CERS4: variants seen among roughly 807,000 people sequenced by gnomAD.
The protein encoded by CERS4 is LAG1 homolog, ceramide synthase 4.
Under a neutral mutation model 51.8 loss-of-function variants are expected in CERS4, and 65 were observed. That is an observed-to-expected ratio of 1.26 (90% CI 1.03 to 1.54). The LOEUF is 1.54. Ranked by LOEUF, CERS4 falls within the 40% of genes most tolerant of loss-of-function variation. The pLI is 0.00. For synonymous variants in CERS4, 228 were observed against 208.4 expected (o/e 1.09, Z -0.81); for missense variants, 563 against 500.4 (o/e 1.13, Z -1.19).
chr19:8,242,534 C>T (rs180774402), intron 2 of CERS4, among the ~76,000 whole-genome samples: 12 of 152,212 alleles, frequency 7.9e-5, no homozygotes, highest in South Asian at 4.1e-4. Context: ...GACAGGGTTG[C>T]GGGAGGGTGC....
chr19:8,234,748 T>C (rs1451519076), intron 2 of CERS4, among the ~76,000 whole-genome samples: 4 of 151,388 alleles, frequency 2.6e-5, no homozygotes, highest in African/African-American at 9.7e-5. Flanking sequence ...GAGGTGGGGT[T>C]TCACCTTGTT....
At chr19:8,214,958 AG>A (rs1335091439) in intron 2 of CERS4, among the ~76,000 whole-genome samples, 1 of 121,396 alleles carries the variant, frequency 8.2e-6, no homozygotes, top group East Asian at 2.9e-4. Flanking sequence ...GAGAGGGAGG[AG>A]GGGGAGGAGG....
In CERS4 at chr19:8,242,271, C is replaced by T. The variant is rs576171200; in HGVS notation, c.-1-8805C>T. Among the ~76,000 whole-genome samples the T allele has an allele frequency of 1.1e-4, 17 of 152,278 alleles. No homozygotes were observed. In the South Asian group the frequency reaches 1.2e-3, roughly 11 times the overall value. ...TTTAAGAGGGAGAAGAGGGAAGGGA[C>T]GAGACAGAGACAGGTTGGTGAGGTT... On this transcript the variant is annotated intron_variant, in intron 2 of 11. Transcript: ENST00000251363.
intron 9 of CERS4, 136 bp from the exon 10 acceptor site, chr19:8,257,743 T>G: frequency 1.5e-6 from 1 of 681,680 alleles, no homozygotes; most frequent in Non-Finnish European, 2.6e-6. Context: ...ATTCACACTC[T>G]TTACCTTTCC....
At chr19:8,258,056 T>C (rs1464751909) in intron 10 of CERS4, 71 bp downstream of exon 10, 22 of 1,199,232 alleles carry the variant, frequency 1.8e-5, no homozygotes, top group Non-Finnish European at 1.2e-5. Context: ...TGCCTCACCA[T>C]TGGTACCCTG....
At chr19:8,219,645 C>T (rs865814328) in intron 2 of CERS4, among the ~76,000 whole-genome samples, 4 of 148,922 alleles carry the variant, frequency 2.7e-5, no homozygotes, top group Admixed American at 2.0e-4. Context: ...GGTGAAATCC[C>T]GTCTCTACTA....
chr19:8,221,018 G>A (rs1461051268), intron 2 of CERS4, among the ~76,000 whole-genome samples: 2 of 151,656 alleles, frequency 1.3e-5, no homozygotes, highest in Non-Finnish European at 2.9e-5. Flanking sequence ...GTAGAGACGG[G>A]GTTTCACCCT....
intron 2 of CERS4, among the ~76,000 whole-genome samples, chr19:8,242,319 G>A (rs1232182299): frequency 3.3e-5 from 5 of 152,212 alleles, no homozygotes; most frequent in Non-Finnish European, 7.3e-5. Context: ...GGACCTCTGG[G>A]GCCAGACCTC....
intron 2 of CERS4, among the ~76,000 whole-genome samples, chr19:8,243,444 G>A (rs1475778930): frequency 6.6e-6 from 1 of 151,212 alleles, no homozygotes; most frequent in African/African-American, 2.4e-5. Flanking sequence ...TGTCTACTCT[G>A]TCTGGGATGC....
chr19:8,228,296 T>C (rs753102101), intron 2 of CERS4, among the ~76,000 whole-genome samples: 28 of 152,164 alleles, frequency 1.8e-4, no homozygotes, highest in Non-Finnish European at 3.5e-4. Flanking sequence ...TACACAACCA[T>C]GTGAAATATT....
intron 2 of CERS4, among the ~76,000 whole-genome samples, chr19:8,231,873 T>TTTTTTTTTTTTTTG (rs61532670): frequency 8.4e-6 from 1 of 119,552 alleles, no homozygotes; most frequent in African/African-American, 3.2e-5. Context: ...TTTTTTTTTT[T>TTTTTTTTTTTTTTG]AGAGACAGTC....
At chr19:8,215,512 T>G in intron 2 of CERS4, among the ~76,000 whole-genome samples, 1 of 149,972 alleles carries the variant, frequency 6.7e-6, no homozygotes. Flanking sequence ...GCAGCGGGTG[T>G]GTCTGGGGGA....
Position 8,235,195 on chromosome 19 carries a change from A to G in CERS4, c.-1-15881A>G, listed in dbSNP as rs146912487. ...GGCTAATTTTTGTATTTTTAGTAGAAACGGGGTTTCACCATGTTGGCCAAG... is the reference window on the plus strand; with the variant it reads ...GGCTAATTTTTGTATTTTTAGTAGAGACGGGGTTTCACCATGTTGGCCAAG... On this transcript the variant is annotated intron_variant, in intron 2 of 11. Coordinates refer to ENST00000251363, the MANE Select transcript of CERS4 (RefSeq NM_024552.3). 5.3e-3 allele frequency among the ~76,000 whole-genome samples: 796 copies of G among 149,954 alleles called. 5 individuals carry two copies. Among genetic ancestry groups the G allele is most frequent in the African/African-American group, 0.018 (742 of 40,928 alleles).
chr19:8,256,594 T>C lies in CERS4; in HGVS notation c.520-24T>C, dbSNP rs751772907. The C allele has an allele frequency of 1.0e-5, 16 of 1,598,514 alleles. No individual in the cohort carries two copies. In the East Asian group the frequency reaches 3.6e-4, roughly 36 times the overall value. ...GATTGGAGCCTTCGCTCCCCACAGC[T>C]AACCTTGTCCTGTCCTGCTGCAGAC... On this transcript the variant is annotated intron_variant, in intron 7 of 11. Coordinates refer to ENST00000251363, the MANE Select transcript of CERS4 (RefSeq NM_024552.3).
chr19:8,234,199 G>A (rs1968138236), intron 2 of CERS4, among the ~76,000 whole-genome samples: 2 of 151,980 alleles, frequency 1.3e-5, no homozygotes, highest in South Asian at 2.1e-4. Context: ...CCAGCTACTC[G>A]GGAGGCTGAG....
intron 2 of CERS4, among the ~76,000 whole-genome samples, chr19:8,232,879 T>C (rs1968075074): frequency 1.4e-5 from 2 of 145,086 alleles, no homozygotes; most frequent in South Asian, 4.4e-4. Flanking sequence ...GACACCACCA[T>C]GCCTCGCTGA....
chr19:8,245,410 C>T (rs961718333), intron 2 of CERS4, among the ~76,000 whole-genome samples: 1 of 151,702 alleles, frequency 6.6e-6, no homozygotes, highest in African/African-American at 2.4e-5. Context: ...GCCACCTTGC[C>T]CGGCTAATTT....
intron 3 of CERS4, among the ~76,000 whole-genome samples, chr19:8,252,868 A>T (rs533743262): frequency 6.6e-6 from 1 of 152,338 alleles, no homozygotes; most frequent in African/African-American, 2.4e-5. Flanking sequence ...AGGCAGGAAC[A>T]AAAACCAGAA....
chr19:8,262,273 A>C lies in CERS4; in HGVS notation c.*164A>C. The C allele has an allele frequency of 2.9e-6, 2 of 692,914 alleles. No individual in the cohort carries two copies. Among genetic ancestry groups the C allele is most frequent in the Non-Finnish European group, 4.2e-6 (2 of 474,178 alleles). The allele number at this position is 692,914 out of a possible 1,614,324, so 42.9% of individuals were successfully genotyped here. ...TGTCTCCAGCCCCTTCCTTCTGCCC[A>C]CCCACCCTTCTTCCCTCTGGGCAAC... On this transcript the variant is annotated 3_prime_UTR_variant, in exon 12 of 12. Coordinates refer to ENST00000251363, the MANE Select transcript of CERS4 (RefSeq NM_024552.3).
Sources: allele counts gnomAD v4.1 joint callset (sites outside exome capture counted in the v4.1 genomes callset), GRCh38; gene constraint gnomAD v4.1.1; transcripts MANE v1.5; gene names NCBI Gene and HGNC (gene_info 2026-07-23, HGNC 2026-07-21).